Variants in KCNAB1 observed in about 807,000 individuals in gnomAD.
The protein encoded by KCNAB1 is voltage-gated potassium channel subunit beta-1.
KCNAB1 carries 35 observed loss-of-function variants against 64.6 expected under a neutral mutation model. That is an observed-to-expected ratio of 0.54 (90% confidence interval 0.41 to 0.72). The LOEUF (loss-of-function observed/expected upper bound fraction) is 0.72. Ranked by LOEUF, KCNAB1 falls within the 30% of genes least tolerant of loss-of-function variation. KCNAB1 has a pLI of 0.00. For synonymous variants in KCNAB1, 177 were observed against 183.8 expected (o/e 0.96, Z 0.30); for missense variants, 401 against 512.9 (o/e 0.78, Z 2.11).
intron 2 of KCNAB1, among the ~76,000 whole-genome samples, chr3:156,439,983 A>T (rs1391449153): frequency 1.3e-5 from 2 of 152,274 alleles, no homozygotes; most frequent in Admixed American, 1.3e-4. Flanking sequence ...CTTATTTCCA[A>T]GCAATGAATT....
chr3:156,119,302 C>T (rs1425929905), upstream of KCNAB1, among the ~76,000 whole-genome samples: 2 of 152,126 alleles, frequency 1.3e-5, no homozygotes, highest in African/African-American at 2.4e-5. Context: ...GCCATGTGAC[C>T]GAGGTGACCA....
intron 8 of KCNAB1, among the ~76,000 whole-genome samples, chr3:156,476,611 C>G (rs1055074845): frequency 2.6e-5 from 4 of 151,674 alleles, no homozygotes; most frequent in Admixed American, 1.3e-4. Flanking sequence ...ATATATCTCA[C>G]AGTTTCTTTA....
intron 1 of KCNAB1, among the ~76,000 whole-genome samples, chr3:156,160,547 G>A (rs1365816279): frequency 2.6e-5 from 4 of 152,132 alleles, no homozygotes; most frequent in South Asian, 4.1e-4. Context: ...GATCAGTGGA[G>A]GTCTTAGAAG....
intron 3 of KCNAB1, among the ~76,000 whole-genome samples, chr3:156,455,349 T>TC (rs1283903249): frequency 7.2e-5 from 11 of 152,220 alleles, no homozygotes; most frequent in Admixed American, 7.2e-4. Flanking sequence ...GGTGGGGATG[T>TC]CCCCATCACT....
At chr3:156,131,061 C>T (rs1208649825) in intron 1 of KCNAB1, among the ~76,000 whole-genome samples, 2 of 152,228 alleles carry the variant, frequency 1.3e-5, no homozygotes, top group Non-Finnish European at 2.9e-5. Flanking sequence ...CCATCTCCTT[C>T]TCATCCTAGC....
At chr3:156,341,503 C>T (rs566407384) in intron 1 of KCNAB1, among the ~76,000 whole-genome samples, 12 of 152,302 alleles carry the variant, frequency 7.9e-5, no homozygotes, top group African/African-American at 2.6e-4. Flanking sequence ...TGTCATTCCC[C>T]CCTCTTGCTA....
chr3:156,232,810 T>A (rs1463580240), intron 1 of KCNAB1, among the ~76,000 whole-genome samples: 1 of 152,232 alleles, frequency 6.6e-6, no homozygotes, highest in Non-Finnish European at 1.5e-5. Flanking sequence ...AATACTAAAA[T>A]GCCTTAGTCA....
intron 1 of KCNAB1, among the ~76,000 whole-genome samples, chr3:156,126,660 C>T (rs1233140028): frequency 6.6e-6 from 1 of 152,140 alleles, no homozygotes; most frequent in East Asian, 1.9e-4. Context: ...TGGGTAAGCC[C>T]CTTGCCTGCG....
chr3:156,415,669 C>T (rs964997174), intron 1 of KCNAB1, among the ~76,000 whole-genome samples: 1 of 152,202 alleles, frequency 6.6e-6, no homozygotes, highest in Non-Finnish European at 1.5e-5. Context: ...TTCCTGATCT[C>T]CATGTACACC....
chr3:156,456,241 T>C (rs1299690044), intron 3 of KCNAB1: 3 of 152,188 alleles, frequency 2.0e-5, no homozygotes, highest in Non-Finnish European at 4.4e-5. Flanking sequence ...TCATTTAGTT[T>C]AAATCTTCAT....
chr3:156,370,919 A>G (rs1169995188), intron 1 of KCNAB1, among the ~76,000 whole-genome samples: 1 of 152,202 alleles, frequency 6.6e-6, no homozygotes, highest in Non-Finnish European at 1.5e-5. Context: ...GCTTGTGAAC[A>G]TCATGCAGTT....
At chr3:156,153,000 A>C (rs1715503577) in intron 1 of KCNAB1, among the ~76,000 whole-genome samples, 1 of 152,208 alleles carries the variant, frequency 6.6e-6, no homozygotes, top group Admixed American at 6.5e-5. Context: ...CTCTCACTGG[A>C]ATGTGAATTC....
At chr3:156,282,263 C>G (rs201211811) in intron 1 of KCNAB1, among the ~76,000 whole-genome samples, 1 of 145,764 alleles carries the variant, frequency 6.9e-6, no homozygotes, top group Non-Finnish European at 1.5e-5. Context: ...AGTTTCCATG[C>G]AGTTGAGCGG....
At chr3:156,503,117 T>C (rs1394145215) in intron 8 of KCNAB1, among the ~76,000 whole-genome samples, 1 of 152,240 alleles carries the variant, frequency 6.6e-6, no homozygotes, top group Non-Finnish European at 1.5e-5. Flanking sequence ...ATTACTACCA[T>C]TTAGCATTAA....
chr3:156,402,911 T>A (rs1282712528), intron 1 of KCNAB1, among the ~76,000 whole-genome samples: 1 of 152,242 alleles, frequency 6.6e-6, no homozygotes, highest in Non-Finnish European at 1.5e-5. Flanking sequence ...TCTACTAAAA[T>A]AGTCTAGAGT....
chr3:156,285,443 C>CTTA (rs1720045727), intron 1 of KCNAB1, among the ~76,000 whole-genome samples: 1 of 150,432 alleles, frequency 6.6e-6, no homozygotes, highest in African/African-American at 2.4e-5. Context: ...TCCAGACAAG[C>CTTA]TTATGAGAAG....
intron 8 of KCNAB1, among the ~76,000 whole-genome samples, chr3:156,513,566 T>A (rs1250364623): frequency 2.0e-5 from 3 of 152,158 alleles, no homozygotes; most frequent in African/African-American, 7.2e-5. Flanking sequence ...AACTTGAGGG[T>A]CTCCATGCTC....
chr3:156,289,543 T>C (rs1191858287), intron 1 of KCNAB1, among the ~76,000 whole-genome samples: 1 of 152,220 alleles, frequency 6.6e-6, no homozygotes, highest in African/African-American at 2.4e-5. Context: ...AAAGACATGC[T>C]TCAAGTACTC....
At chr3:156,139,723 C>T (rs1306905611) in intron 1 of KCNAB1, among the ~76,000 whole-genome samples, 1 of 150,738 alleles carries the variant, frequency 6.6e-6, no homozygotes, top group African/African-American at 2.4e-5. Flanking sequence ...GAAAAGGTAG[C>T]TATTGGGAGT....
Sources: allele counts gnomAD v4.1 joint callset (sites outside exome capture counted in the v4.1 genomes callset), GRCh38; gene constraint gnomAD v4.1.1; transcripts MANE v1.5; gene names NCBI Gene and HGNC (gene_info 2026-07-23, HGNC 2026-07-21).